The following CSMD1 variants were observed in gnomAD, a reference collection of about 807,000 sequenced individuals.
The protein encoded by CSMD1 is CUB and sushi domain-containing protein 1.
A neutral mutation model predicts 417.5 loss-of-function variants in CSMD1; 213 were observed. The ratio of observed to expected loss-of-function variants is 0.51; its 90% CI spans 0.46 to 0.57. The LOEUF (loss-of-function observed/expected upper bound fraction) is 0.57. Ranked by LOEUF, CSMD1 falls within the 20% of genes least tolerant of loss-of-function variation. CSMD1 has a pLI of 0.00. For missense variants in CSMD1, 6,923 were observed against 4,529.7 expected (o/e 1.53, Z -15.17); for synonymous variants, 2,862 against 1,736.8 (o/e 1.65, Z -16.11).
intron 1 of CSMD1, among the ~76,000 whole-genome samples, chr8:4,737,508 AC>A (rs1393245851): frequency 1.3e-5 from 2 of 152,060 alleles, no homozygotes; most frequent in Non-Finnish European, 1.5e-5. Flanking sequence ...TTAAAAAAAA[AC>A]ATAAAACATC....
chr8:3,723,732 C>T (rs1802322046), intron 6 of CSMD1, among the ~76,000 whole-genome samples: 1 of 152,112 alleles, frequency 6.6e-6, no homozygotes, highest in South Asian at 2.1e-4. Context: ...TGCACAATAT[C>T]TAACTTATTT....
intron 5 of CSMD1, 46 bp downstream of exon 5, chr8:3,997,857 G>C (rs1815337297): frequency 6.5e-7 from 1 of 1,534,392 alleles, no homozygotes; most frequent in Non-Finnish European, 8.9e-7. Flanking sequence ...GAAAAAACGG[G>C]GAAAACACAC....
chr8:4,501,629 G>C lies in CSMD1; in HGVS notation c.303-81564C>G, dbSNP rs1235725678. Among the ~76,000 whole-genome samples, 8 of 152,100 alleles carry C rather than the reference G, an allele frequency of 5.3e-5. No homozygotes were observed. In the East Asian group the frequency reaches 1.5e-3, roughly 29 times the overall value. ...ATGTATAAGTTTTAAATTGCTAGCT[G>C]TTCTGACTAGCGCCATCCCACTCCA... On this transcript the variant is annotated intron_variant, in intron 2 of 69. Transcript: ENST00000635120.
rs190167428 is a variant in CSMD1, at chr8:3,802,457, G to T, written c.819-48415C>A. Reference sequence around the variant, plus strand: ...CATTTTTTTCTTATTAAATTTGTCAGCCTGATACATAAGTATCAACTTCAT... The same window carrying T: ...CATTTTTTTCTTATTAAATTTGTCATCCTGATACATAAGTATCAACTTCAT... On this transcript the variant is annotated intron_variant, in intron 5 of 69. Transcript: ENST00000635120. Among the ~76,000 whole-genome samples, 5 of 152,148 alleles carry T rather than the reference G, an allele frequency of 3.3e-5. No individual in the cohort carries two copies. The East Asian group carries it at 7.7e-4, about 24-fold the overall frequency.
At chr8:4,738,043 G>C (rs916813906) in intron 1 of CSMD1, among the ~76,000 whole-genome samples, 15 of 152,166 alleles carry the variant, frequency 9.9e-5, no homozygotes, top group Non-Finnish European at 1.8e-4. Flanking sequence ...AATAAGAAAA[G>C]TGGTAATAGT....
chr8:4,468,656 G>C (rs971794736), intron 2 of CSMD1, among the ~76,000 whole-genome samples: 3 of 152,050 alleles, frequency 2.0e-5, no homozygotes, highest in African/African-American at 4.8e-5. Flanking sequence ...ACTAAACCTA[G>C]GTAGATCTCC....
rs1339893330 is a variant in CSMD1 at position 3,511,228 on chromosome 8, TG to T, written c.1345-17503del. 2.6e-5 allele frequency among the ~76,000 whole-genome samples: 4 copies of T among 151,698 alleles called. 1 individual carries two copies. Among genetic ancestry groups the T allele is most frequent in the African/African-American group, 7.3e-5 (3 of 41,090 alleles). On this transcript the variant is annotated intron_variant, in intron 10 of 69. Coordinates refer to ENST00000635120, the MANE Select transcript of CSMD1 (RefSeq NM_033225.6). ...GGGAATATCATACACCAGGGCCTGT[TG>T]GGGGGTGAGAGGCTAGGGAATGAAT...
chr8:3,569,552 A>G (rs1370188948), intron 10 of CSMD1, among the ~76,000 whole-genome samples: 1 of 152,242 alleles, frequency 6.6e-6, no homozygotes. Flanking sequence ...TCAAACACAC[A>G]AATTGAAGTA....
At chr8:3,851,077 C>G (rs938906329) in intron 5 of CSMD1, among the ~76,000 whole-genome samples, 2 of 152,156 alleles carry the variant, frequency 1.3e-5, no homozygotes, top group Non-Finnish European at 1.5e-5. Flanking sequence ...TATTTCAAAT[C>G]TATTTAGGTA....
chr8:3,212,784 G>C (rs1339400868), intron 30 of CSMD1, among the ~76,000 whole-genome samples: 2 of 150,628 alleles, frequency 1.3e-5, no homozygotes, highest in Admixed American at 1.3e-4. Flanking sequence ...AGGGAAGTAG[G>C]TTTTGTTTTA....
chr8:4,411,448 G>A (rs1330837907), intron 3 of CSMD1, among the ~76,000 whole-genome samples: 2 of 151,906 alleles, frequency 1.3e-5, no homozygotes, highest in Non-Finnish European at 2.9e-5. Flanking sequence ...TAATTACTTG[G>A]TTCTATTTTT....
At chr8:4,729,589 A>G (rs1809714066) in intron 1 of CSMD1, among the ~76,000 whole-genome samples, 1 of 152,154 alleles carries the variant, frequency 6.6e-6, no homozygotes, top group African/African-American at 2.4e-5. Flanking sequence ...AGAAACATAT[A>G]AAAAAACAAA....
At chr8:3,250,259 C>G (rs1287535287) in intron 26 of CSMD1, among the ~76,000 whole-genome samples, 1 of 152,122 alleles carries the variant, frequency 6.6e-6, no homozygotes, top group Non-Finnish European at 1.5e-5. Flanking sequence ...CTTCCTGTGT[C>G]CATGTGTACT....
At chr8:4,671,579 G>C (rs1052097165) in intron 1 of CSMD1, among the ~76,000 whole-genome samples, 11 of 152,186 alleles carry the variant, frequency 7.2e-5, no homozygotes. Context: ...CAGACACTTT[G>C]AATAGTCTCA....
chr8:3,307,909 T>G, intron 24 of CSMD1, 88 bp from the exon 25 acceptor site: 1 of 1,415,914 alleles, frequency 7.1e-7, no homozygotes, highest in Non-Finnish European at 9.6e-7. Context: ...AGCCATTATG[T>G]CTGCATTATA....
At chr8:3,138,787 C>A (rs1482091621) in intron 41 of CSMD1, among the ~76,000 whole-genome samples, 3 of 152,078 alleles carry the variant, frequency 2.0e-5, no homozygotes, top group African/African-American at 7.2e-5. Context: ...GCCTGGGAGA[C>A]AGAAATAAGA....
chr8:3,766,824 C>T (rs996446497), intron 5 of CSMD1, among the ~76,000 whole-genome samples: 1 of 152,144 alleles, frequency 6.6e-6, no homozygotes, highest in African/African-American at 2.4e-5. Context: ...CTAGCTCATT[C>T]CAAGAGCCTG....
At chr8:3,764,754 T>A (rs1160096833) in intron 5 of CSMD1, among the ~76,000 whole-genome samples, 1 of 150,210 alleles carries the variant, frequency 6.7e-6, no homozygotes, top group Non-Finnish European at 1.5e-5. Flanking sequence ...TTTTTTTTTT[T>A]TTTTTATTTT....
intron 2 of CSMD1, among the ~76,000 whole-genome samples, chr8:4,501,075 T>G (rs988775179): frequency 6.6e-6 from 1 of 151,868 alleles, no homozygotes; most frequent in African/African-American, 2.4e-5. Flanking sequence ...AAAGATATAA[T>G]AACAACAACA....
Sources: allele counts gnomAD v4.1 joint callset (sites outside exome capture counted in the v4.1 genomes callset), GRCh38; gene constraint gnomAD v4.1.1; transcripts MANE v1.5; gene names NCBI Gene and HGNC (gene_info 2026-07-23, HGNC 2026-07-21).